The following NLRC5 variants were observed in gnomAD, a reference collection of about 807,000 sequenced individuals.
NLRC5 encodes the protein protein NLRC5.
Under a neutral mutation model 206.9 loss-of-function variants are expected in NLRC5, and 114 were observed. That is an observed-to-expected ratio of 0.55 (90% CI 0.47 to 0.64). The LOEUF (loss-of-function observed/expected upper bound fraction) is 0.64, where lower values mean the gene tolerates loss of function less well. Among genes scored for constraint, NLRC5 ranks in the 30% least tolerant of loss-of-function variants. The pLI is 0.00. For missense variants in NLRC5, 2,008 were observed against 2,305.5 expected (o/e 0.87, Z 2.64); for synonymous variants, 952 against 962.8 (o/e 0.99, Z 0.21).
intron 48 of NLRC5, 44 bp from the exon 49 acceptor site, chr16:57,082,373 C>A: frequency 6.9e-7 from 1 of 1,456,366 alleles, no homozygotes; most frequent in Non-Finnish European, 9.6e-7. Context: ...CGACAGATGG[C>A]AAAGATGGGA....
chr16:57,079,701 A>G, intron 46 of NLRC5, 72 bp downstream of exon 46: 1 of 1,303,442 alleles, frequency 7.7e-7, no homozygotes, highest in Non-Finnish European at 1.1e-6. Flanking sequence ...AGTTGGCTCC[A>G]GCCTGCTGTG....
intron 14 of NLRC5, 129 bp from the exon 15 acceptor site, chr16:57,037,066 C>A: frequency 1.3e-6 from 1 of 773,620 alleles, no homozygotes; most frequent in Non-Finnish European, 2.3e-6. Flanking sequence ...TTGAGATCCC[C>A]TGGCAAGGGA....
intron 1 of NLRC5, among the ~76,000 whole-genome samples, chr16:57,014,291 C>T (rs540331398): frequency 1.2e-4 from 18 of 152,284 alleles, no homozygotes; most frequent in African/African-American, 3.9e-4. Flanking sequence ...GTGTGAGGCT[C>T]ACTTGGACTC....
intron 35 of NLRC5, 21 bp from the exon 36 acceptor site, chr16:57,067,715 A>T (rs1036801519): frequency 1.6e-5 from 25 of 1,609,390 alleles, no homozygotes; most frequent in Middle Eastern, 1.6e-4. Context: ...AATCCTCTAG[A>T]ATATCCTTGG....
chr16:57,064,945 T>C (rs1296386237), intron 32 of NLRC5, among the ~76,000 whole-genome samples: 2 of 151,926 alleles, frequency 1.3e-5, no homozygotes, highest in African/African-American at 2.4e-5. Context: ...TAAGATAAGA[T>C]AAAAAAATAA....
chr16:56,995,049 C>G (rs1438152448), intron 1 of NLRC5, among the ~76,000 whole-genome samples: 2 of 152,136 alleles, frequency 1.3e-5, no homozygotes, highest in African/African-American at 4.8e-5. Flanking sequence ...TGGCACGTGA[C>G]TGTAATCTCA....
intron 25 of NLRC5, 79 bp downstream of exon 25, chr16:57,054,919 G>A (rs1312044576): frequency 1.3e-6 from 2 of 1,580,904 alleles, no homozygotes; most frequent in Non-Finnish European, 1.7e-6. Flanking sequence ...GGGGTAGGAT[G>A]AAGACAGTAG....
chr16:57,077,261 G>A (rs371219389), intron 40 of NLRC5, 35 bp from the exon 41 acceptor site: 30 of 1,593,194 alleles, frequency 1.9e-5, no homozygotes, highest in Admixed American at 6.7e-5. Flanking sequence ...AAGATGAGAC[G>A]GCAGAAGGCT....
Position 57,076,847 on chromosome 16 carries a change from G to C in NLRC5, c.4780G>C (p.Gly1594Arg), listed in dbSNP as rs142594119. The change falls in exon 40 of 49, where the codon GGT becomes CGT. Residue 1594 changes from glycine (G) to arginine (R), a missense_variant. Transcript: ENST00000688547. ...GAACAGGAACAGTATCGGTGATGTC[G>C]GTTGCTGCCACCTTTCTGAGGCTCT... ...RLNRNSIGDV[G>R]CCHLSEALRA... 6.2e-7 allele frequency: 1 copy of C among 1,613,962 alleles called. No homozygotes were observed. Among genetic ancestry groups the C allele is most frequent in the South Asian group, 1.1e-5 (1 of 91,090 alleles).
intron 38 of NLRC5, among the ~76,000 whole-genome samples, chr16:57,071,035 AG>A (rs2067647030): frequency 1.8e-5 from 1 of 56,656 alleles, no homozygotes; most frequent in South Asian, 8.6e-4. Flanking sequence ...TTAATGGGGA[AG>A]GGGGTGAGTG....
intron 26 of NLRC5, 141 bp from the exon 27 acceptor site, chr16:57,055,292 A>T (rs2065474179): frequency 7.7e-6 from 7 of 903,648 alleles, no homozygotes; most frequent in African/African-American, 1.6e-5. Context: ...GGAGCAGTGG[A>T]TTCTGGACAC....
At position 57,020,950 on chromosome 16, in the gene NLRC5, C is replaced by T; in HGVS notation, c.238C>T (p.Leu80=). Residue 80 remains leucine, a synonymous_variant, in exon 3 of 49, where the codon CTG becomes TTG. Coordinates refer to ENST00000688547, the MANE Select transcript of NLRC5 (RefSeq NM_001384950.1). ...TTTCATTCATTGTGTGTGCATGCAG[C>T]TGGAGGTGCCTCTGGACCTGGAGGT... ...QSFIHCVCMQ[L]EVPLDLEVLL... The T allele has an allele frequency of 6.2e-7, 1 of 1,614,016 alleles. No individual in the cohort carries two copies. The highest frequency in any genetic ancestry group is 8.5e-7 in the Non-Finnish European group (1 of 1,180,012).
intron 6 of NLRC5, 31 bp downstream of exon 6, chr16:57,027,049 G>T (rs1261690151): frequency 6.9e-6 from 11 of 1,594,218 alleles, no homozygotes; most frequent in Non-Finnish European, 8.6e-6. Context: ...ACCGGGGAGG[G>T]GATTGGGCTT....
Position 57,020,751 on chromosome 16 carries a change from G to A in NLRC5, c.39G>A (p.Leu13=), listed in dbSNP as rs2060589709. ...GCCTCCAGCTCGGCAACAAGAACCTGTGGAGCTGTCTTGTGAGGCTGCTCA... is the reference window on the plus strand; with the variant it reads ...GCCTCCAGCTCGGCAACAAGAACCTATGGAGCTGTCTTGTGAGGCTGCTCA... ...PVGLQLGNKN[L]WSCLVRLLTK... The change falls in exon 3 of 49, where the codon CTG becomes CTA. Residue 13 remains leucine, a synonymous_variant. Transcript: ENST00000688547. 6.2e-7 allele frequency: 1 copy of A among 1,611,940 alleles called. No homozygotes were observed. Among genetic ancestry groups the A allele is most frequent in the African/African-American group, 1.3e-5 (1 of 74,108 alleles).
chr16:57,062,373 T>C (rs1376782313), intron 32 of NLRC5: 2 of 330,904 alleles, frequency 6.0e-6, no homozygotes, highest in African/African-American at 4.4e-5. Flanking sequence ...GCTTTTGGGA[T>C]CCAGGATCTG....
intron 1 of NLRC5, among the ~76,000 whole-genome samples, chr16:57,016,443 C>T (rs1356959637): frequency 5.9e-5 from 9 of 152,132 alleles, no homozygotes; most frequent in Non-Finnish European, 5.9e-5. Flanking sequence ...GCTGATCTTC[C>T]GCCTCTCTTC....
chr16:57,010,399 C>A (rs752393650), intron 1 of NLRC5, among the ~76,000 whole-genome samples: 2 of 152,026 alleles, frequency 1.3e-5, no homozygotes, highest in Admixed American at 6.6e-5. Context: ...TTTTGACATG[C>A]GGTCTCACTC....
intron 32 of NLRC5, chr16:57,062,686 C>T (rs1174552309): frequency 1.3e-5 from 2 of 152,874 alleles, no homozygotes; most frequent in Non-Finnish European, 2.9e-5. Flanking sequence ...GAGCTGTGCA[C>T]TTCTCATTGC....
At chr16:57,003,613 G>A (rs574248448) in intron 1 of NLRC5, among the ~76,000 whole-genome samples, 3 of 152,242 alleles carry the variant, frequency 2.0e-5, no homozygotes, top group South Asian at 4.2e-4. Context: ...CACTGGGGGT[G>A]CAGTGACGTG....
Sources: gnomAD v4.1 joint callset for allele counts (sites outside exome capture counted in the v4.1 genomes callset) on GRCh38, gnomAD v4.1.1 for gene constraint, MANE v1.5 for transcripts, NCBI Gene and HGNC (gene_info 2026-07-23, HGNC 2026-07-21) for gene names.